RBFOX1: variants seen among roughly 807,000 people sequenced by gnomAD.
RBFOX1 encodes the protein RNA binding fox-1 homolog 1.
In RBFOX1, 8 loss-of-function variants were observed where a neutral mutation model predicts 57.7. The ratio of observed to expected loss-of-function variants is 0.14; its 90% CI spans 0.08 to 0.25. The LOEUF is 0.25. RBFOX1 is among the 10% of genes least tolerant of loss of function. RBFOX1 has a pLI of 1.00. For synonymous variants in RBFOX1, 326 were observed against 222.4 expected, an observed-to-expected ratio of 1.47 and a Z score of -4.15; for missense variants, 611 against 548.5, an observed-to-expected ratio of 1.11 and a Z score of -1.14.
chr16:6,150,694 C>T (rs1028189427), intron 1 of RBFOX1, among the ~76,000 whole-genome samples: 12 of 152,176 alleles, frequency 7.9e-5, no homozygotes, highest in Non-Finnish European at 1.5e-4. Context: ...TTCCCTTCCT[C>T]TTTCCACGGC....
chr16:5,911,093 A>C (rs1327547955), intron 4 of RBFOX1, among the ~76,000 whole-genome samples: 1 of 152,212 alleles, frequency 6.6e-6, no homozygotes. Context: ...CTAGGGGAAC[A>C]GAAACTAAGG....
At chr16:7,543,315 G>C (rs1003197683) in intron 5 of RBFOX1, among the ~76,000 whole-genome samples, 2 of 152,064 alleles carry the variant, frequency 1.3e-5, no homozygotes, top group Admixed American at 6.6e-5. Flanking sequence ...CACTCACATA[G>C]AATGAAGGGT....
At chr16:6,088,997 G>A (rs999629375) in intron 1 of RBFOX1, among the ~76,000 whole-genome samples, 2 of 151,366 alleles carry the variant, frequency 1.3e-5, no homozygotes, top group Non-Finnish European at 2.9e-5. Flanking sequence ...TCGAGAGGCC[G>A]AGGCAGGACA....
At chr16:6,802,816 C>T (rs990512075) in intron 3 of RBFOX1, among the ~76,000 whole-genome samples, 1 of 152,202 alleles carries the variant, frequency 6.6e-6, no homozygotes, top group Admixed American at 6.5e-5. Context: ...AAATATTTTT[C>T]GGAGACTTGG....
intron 2 of RBFOX1, among the ~76,000 whole-genome samples, chr16:5,571,215 CTTT>C (rs34409151): frequency 3.6e-4 from 29 of 79,816 alleles, no homozygotes; most frequent in African/African-American, 1.4e-3. Context: ...CCATCTTTGA[CTTT>C]TTTTTTTTTT....
chr16:6,916,334 C>A (rs891645412), intron 3 of RBFOX1, among the ~76,000 whole-genome samples: 1 of 151,974 alleles, frequency 6.6e-6, no homozygotes, highest in African/African-American at 2.4e-5. Context: ...TTGTTTTTAC[C>A]TTTTTGCTAT....
chr16:7,295,464 C>A (rs924541964), intron 4 of RBFOX1, among the ~76,000 whole-genome samples: 1 of 152,066 alleles, frequency 6.6e-6, no homozygotes. Context: ...ATAATGGGCA[C>A]CATTTTTATG....
chr16:7,623,987 A>G (rs534901040), intron 10 of RBFOX1, among the ~76,000 whole-genome samples: 6 of 152,188 alleles, frequency 3.9e-5, no homozygotes, highest in Admixed American at 1.3e-4. Flanking sequence ...AAATGATTCT[A>G]CAACAGTGGA....
chr16:5,533,270 A>G (rs1011895733), intron 2 of RBFOX1, among the ~76,000 whole-genome samples: 2 of 152,164 alleles, frequency 1.3e-5, no homozygotes, highest in African/African-American at 4.8e-5. Context: ...CAGAAATTCA[A>G]CTCTAATGCT....
chr16:5,479,714 G>A (rs1047732002), intron 2 of RBFOX1, among the ~76,000 whole-genome samples: 4 of 152,138 alleles, frequency 2.6e-5, no homozygotes, highest in Non-Finnish European at 5.9e-5. Context: ...ATCCAAGATC[G>A]CGCCATTCCA....
At chr16:6,801,262 G>A (rs920107774) in intron 3 of RBFOX1, among the ~76,000 whole-genome samples, 2 of 151,886 alleles carry the variant, frequency 1.3e-5, no homozygotes, top group Admixed American at 6.6e-5. Flanking sequence ...TAAAATGCTG[G>A]GAAGTGTGAT....
rs572343112 is a variant in RBFOX1 at position 7,698,856 on chromosome 16, T to A, written c.996-10200T>A. Reference sequence around the variant, plus strand: ...GAGGCATAGTCTCAGGCTTGCTGCATGCAATAACAATACCCTATAAAGTGT... The same window carrying A: ...GAGGCATAGTCTCAGGCTTGCTGCAAGCAATAACAATACCCTATAAAGTGT... On this transcript the variant is annotated intron_variant, in intron 14 of 15. Coordinates refer to ENST00000550418, the MANE Select transcript of RBFOX1 (RefSeq NM_018723.4). 8.7e-4 allele frequency among the ~76,000 whole-genome samples: 132 copies of A among 152,334 alleles called. 1 individual carries two copies. Among genetic ancestry groups the A allele is most frequent in the African/African-American group, 3.1e-3 (130 of 41,574 alleles).
intron 4 of RBFOX1, among the ~76,000 whole-genome samples, chr16:7,090,979 C>T (rs943021559): frequency 6.6e-6 from 1 of 152,180 alleles, no homozygotes; most frequent in African/African-American, 2.4e-5. Flanking sequence ...AGCTGTTTCT[C>T]CTAGGGCTGG....
intron 2 of RBFOX1, among the ~76,000 whole-genome samples, chr16:6,541,473 T>A (rs1421555574): frequency 6.6e-6 from 1 of 152,180 alleles, no homozygotes; most frequent in Admixed American, 6.5e-5. Context: ...GGTAAGTCAG[T>A]GATCTGCCGA....
At position 6,282,191 on chromosome 16, in the gene RBFOX1, G is replaced by A. The variant is rs377454985; in HGVS notation, c.-126-34804G>A. On this transcript the variant is annotated intron_variant, in intron 1 of 15. Coordinates refer to ENST00000550418, the MANE Select transcript of RBFOX1 (RefSeq NM_018723.4). ...TTTCTTGGGAAAAATCCCAGATTGC[G>A]CATAGACCAGCATGCTTGATCTCTG... Among the ~76,000 whole-genome samples the A allele has an allele frequency of 2.2e-4, 33 of 152,092 alleles. 1 individual carries two copies. Among genetic ancestry groups the A allele is most frequent in the African/African-American group, 7.0e-4 (29 of 41,480 alleles).
intron 3 of RBFOX1, among the ~76,000 whole-genome samples, chr16:6,865,264 C>T (rs2059726674): frequency 6.6e-6 from 1 of 151,778 alleles, no homozygotes; most frequent in Non-Finnish European, 1.5e-5. Flanking sequence ...TGGCCTCCCA[C>T]AGTACTGGGA....
At chr16:6,208,056 G>T (rs889380645) in intron 1 of RBFOX1, among the ~76,000 whole-genome samples, 1 of 151,876 alleles carries the variant, frequency 6.6e-6, no homozygotes. Flanking sequence ...ATATATATGT[G>T]TGTATATATA....
intron 2 of RBFOX1, among the ~76,000 whole-genome samples, chr16:5,484,613 A>G (rs1410361814): frequency 6.6e-6 from 1 of 152,134 alleles, no homozygotes; most frequent in African/African-American, 2.4e-5. Context: ...CCTTGTCTGT[A>G]CAAAAAATTT....
chr16:6,434,697 C>A (rs1462355532), intron 2 of RBFOX1, among the ~76,000 whole-genome samples: 1 of 152,200 alleles, frequency 6.6e-6, no homozygotes, highest in African/African-American at 2.4e-5. Context: ...TCCTTTCCAT[C>A]ATTGATAAAA....
Sources: gnomAD v4.1 joint callset for allele counts (sites outside exome capture counted in the v4.1 genomes callset) on GRCh38, gnomAD v4.1.1 for gene constraint, MANE v1.5 for transcripts, NCBI Gene and HGNC (gene_info 2026-07-23, HGNC 2026-07-21) for gene names.